The following PDHX variants were observed in gnomAD, a reference collection of about 807,000 sequenced individuals.
The protein encoded by PDHX is pyruvate dehydrogenase complex component X, also known as pyruvate dehydrogenase protein X component, mitochondrial.
A neutral mutation model predicts 55.3 loss-of-function variants in PDHX; 33 were observed. The observed-to-expected ratio is 0.60, with a 90% CI of 0.45 to 0.80. PDHX has a LOEUF of 0.80. Ranked by LOEUF, PDHX falls within the 30% of genes least tolerant of loss-of-function variation. The probability of loss-of-function intolerance (pLI) is 0.00; values close to 1 mark genes in which losing one functional copy is unlikely to be tolerated. For missense variants in PDHX, 622 were observed against 619.9 expected, an observed-to-expected ratio of 1.00 and a Z score of -0.04; for synonymous variants, 226 against 219.4, an observed-to-expected ratio of 1.03 and a Z score of -0.27.
intron 1 of PDHX, among the ~76,000 whole-genome samples, chr11:34,929,154 CTGTTTTTCATATAT>C (rs907210821): frequency 1.9e-5 from 1 of 53,804 alleles, no homozygotes. Flanking sequence ...ATTTTTCCTC[CTGTTTTTCATATAT>C]AATGCACTTA....
chr11:34,933,101 G>A (rs1370644716), intron 2 of PDHX, among the ~76,000 whole-genome samples: 13 of 152,180 alleles, frequency 8.5e-5, no homozygotes, highest in Admixed American at 8.5e-4. Context: ...AACCGTGTGG[G>A]GGAGAAACTG....
At position 34,966,736 on chromosome 11, in the gene PDHX, C is replaced by G. The variant is rs979933572; in HGVS notation, c.738C>G (p.Pro246=). 1.1e-5 allele frequency: 18 copies of G among 1,614,048 alleles called. No individual in the cohort carries two copies. The highest frequency in any genetic ancestry group is 1.4e-5 in the Non-Finnish European group (17 of 1,180,020). The change falls in exon 6 of 11, where the codon CCC becomes CCG. Residue 246 remains proline, a synonymous_variant. Coordinates refer to ENST00000227868, the MANE Select transcript of PDHX (RefSeq NM_003477.3). ...APTATPTAPS[P]LQATAGPSYP... is the part of the protein sequence containing the mutation. Reference sequence around the variant, plus strand: ...CAGCCACTCCCACAGCACCTTCGCCCCTACAGGCCACAGCTGGACCATCTT... The same window carrying G: ...CAGCCACTCCCACAGCACCTTCGCCGCTACAGGCCACAGCTGGACCATCTT...
At chr11:34,946,603 C>T (rs1174956143) in intron 2 of PDHX, among the ~76,000 whole-genome samples, 6 of 152,188 alleles carry the variant, frequency 3.9e-5, no homozygotes, top group Admixed American at 2.0e-4. Flanking sequence ...TTGGCAGATA[C>T]AGCCCCGGAG....
At chr11:34,947,416 G>T in intron 2 of PDHX, 90 bp from the exon 3 acceptor site, 1 of 838,956 alleles carries the variant, frequency 1.2e-6, no homozygotes, top group Non-Finnish European at 2.0e-6. Context: ...GGAATATTTT[G>T]GTATTTATTT....
chr11:34,924,431 G>T (rs1016966474), intron 1 of PDHX, among the ~76,000 whole-genome samples: 8 of 152,070 alleles, frequency 5.3e-5, no homozygotes, highest in African/African-American at 1.9e-4. Context: ...ATGTTGTCCA[G>T]GCTGGTCTTG....
intron 3 of PDHX, 87 bp downstream of exon 3, chr11:34,947,693 C>T: frequency 1.1e-6 from 1 of 893,434 alleles, no homozygotes; most frequent in Non-Finnish European, 1.9e-6. Flanking sequence ...TTATTTTTGC[C>T]TCCTTATTTT....
chr11:34,978,118 T>C lies in PDHX; in HGVS notation c.965-6T>C, dbSNP rs1476200897. 2.7e-6 allele frequency: 4 copies of C among 1,507,848 alleles called. No individual in the cohort carries two copies. The highest frequency in any genetic ancestry group is 3.7e-6 in the Non-Finnish European group (4 of 1,084,470). The allele number at this position is 1,507,848 out of a possible 1,614,324, so 93.4% of individuals were successfully genotyped here. On this transcript the variant is annotated splice_region_variant and splice_polypyrimidine_tract_variant and intron_variant, in intron 7 of 10. Coordinates refer to ENST00000227868, the MANE Select transcript of PDHX (RefSeq NM_003477.3). ...ACTAATTTTACTAACCTTATTTTTC[T>C]TTCAGATGACATTAAAGTATCAGTA...
Position 34,958,342 on chromosome 11 carries a change from C to G in PDHX, c.542+759C>G, listed in dbSNP as rs945676107. On this transcript the variant is annotated intron_variant, in intron 4 of 10. Coordinates refer to ENST00000227868, the MANE Select transcript of PDHX (RefSeq NM_003477.3). ...GGTGACGGAGTTTTGATCTCATTGT[C>G]CAGGCTGGAGTGCAATGGTGCAATC... 3.9e-5 allele frequency among the ~76,000 whole-genome samples: 6 copies of G among 152,108 alleles called. No homozygotes were observed. The South Asian group carries it at 1.2e-3, about 32-fold the overall frequency.
chr11:34,965,568 TAATG>T (rs1212368230), intron 5 of PDHX, among the ~76,000 whole-genome samples: 1 of 152,112 alleles, frequency 6.6e-6, no homozygotes, highest in Non-Finnish European at 1.5e-5. Context: ...TAGGACCTAA[TAATG>T]GGAGTGACAT....
chr11:34,932,057 A>T (rs1854189779), intron 2 of PDHX, among the ~76,000 whole-genome samples: 1 of 152,158 alleles, frequency 6.6e-6, no homozygotes, highest in Admixed American at 6.5e-5. Context: ...AAAGAAATAG[A>T]TGCAGTTGCA....
At chr11:34,963,158 T>G (rs911426929) in intron 5 of PDHX, among the ~76,000 whole-genome samples, 1 of 152,206 alleles carries the variant, frequency 6.6e-6, no homozygotes, top group Non-Finnish European at 1.5e-5. Flanking sequence ...ATCATTAAGG[T>G]GAGCTTTGGA....
chr11:34,924,408 A>ACGGG (rs1338949721), intron 1 of PDHX, among the ~76,000 whole-genome samples: 1 of 152,098 alleles, frequency 6.6e-6, no homozygotes, highest in Non-Finnish European at 1.5e-5. Flanking sequence ...TTTAGTAAAG[A>ACGGG]CGGGCTTTCA....
chr11:34,917,509 T>A (rs570811295), intron 1 of PDHX, among the ~76,000 whole-genome samples: 496 of 152,222 alleles, frequency 3.3e-3, no homozygotes, highest in African/African-American at 0.011. Context: ...GCAGGCCGGG[T>A]ATTATTTTTC....
intron 2 of PDHX, among the ~76,000 whole-genome samples, chr11:34,946,290 T>G (rs985254119): frequency 1.3e-5 from 2 of 152,186 alleles, no homozygotes; most frequent in African/African-American, 2.4e-5. Context: ...TACCATTTTT[T>G]TTTAATTTCT....
chr11:34,931,523 A>G, intron 2 of PDHX, 39 bp downstream of exon 2: 1 of 1,081,186 alleles, frequency 9.2e-7, no homozygotes, highest in Non-Finnish European at 1.4e-6. Context: ...GTGCTTTGTT[A>G]TTTGGTTATT....
chr11:34,927,517 A>G (rs1854052829), intron 1 of PDHX, among the ~76,000 whole-genome samples: 2 of 152,100 alleles, frequency 1.3e-5, no homozygotes, highest in Non-Finnish European at 2.9e-5. Context: ...AGTAGAGTTG[A>G]CAGCAGCCAT....
chr11:34,979,415 C>T (rs1222460454), intron 8 of PDHX, among the ~76,000 whole-genome samples: 2 of 152,106 alleles, frequency 1.3e-5, no homozygotes, highest in Non-Finnish European at 2.9e-5. Context: ...CACTATTTTT[C>T]ATCATGCCTC....
intron 9 of PDHX, among the ~76,000 whole-genome samples, chr11:34,987,708 A>G (rs112606585): frequency 0.021 from 3,106 of 148,954 alleles, 61 homozygotes; most frequent in South Asian, 0.048. Flanking sequence ...AAAAATAAGT[A>G]TGCACCAAGT....
intron 3 of PDHX, among the ~76,000 whole-genome samples, chr11:34,952,273 T>C (rs1041970161): frequency 1.3e-4 from 20 of 151,962 alleles, no homozygotes; most frequent in Non-Finnish European, 2.4e-4. Flanking sequence ...AAGGAGGAAC[T>C]GGTACCATTC....
Sources: allele counts gnomAD v4.1 joint callset (sites outside exome capture counted in the v4.1 genomes callset), GRCh38; gene constraint gnomAD v4.1.1; transcripts MANE v1.5; gene names NCBI Gene and HGNC (gene_info 2026-07-23, HGNC 2026-07-21).